SGCG: variants seen among roughly 807,000 people sequenced by gnomAD.
SGCG encodes the protein sarcoglycan gamma, also known as gamma-sarcoglycan.
In SGCG, 26 loss-of-function variants were observed where a neutral mutation model predicts 29.3. The observed-to-expected ratio is 0.89, with a 90% CI of 0.65 to 1.23. The LOEUF is 1.23. Ranked by LOEUF, SGCG falls within the 50% of genes most tolerant of loss-of-function variation. SGCG has a pLI of 0.00. For synonymous variants in SGCG, 145 were observed against 129.7 expected (o/e 1.12, Z -0.80); for missense variants, 353 against 356.0 (o/e 0.99, Z 0.07).
chr13:23,320,613 T>C (rs1536729), intron 6 of SGCG, 24 bp from the exon 7 acceptor site: 7 of 1,390,628 alleles, frequency 5.0e-6, no homozygotes, highest in Admixed American at 4.6e-5. Context: ...TTTTTTTTTT[T>C]TGTGCTTCTT....
chr13:23,160,721 C>T, the SGCG span, among the ~76,000 whole-genome samples: 1 of 152,150 alleles, frequency 6.6e-6, no homozygotes, highest in Non-Finnish European at 1.5e-5. Flanking sequence ...TCTCCTCCAA[C>T]CTCCTAAACT....
chr13:23,226,094 G>A (rs1480549412), intron 2 of SGCG, among the ~76,000 whole-genome samples: 2 of 152,116 alleles, frequency 1.3e-5, no homozygotes, highest in African/African-American at 2.4e-5. Context: ...ACCCCGCACT[G>A]GGGGATTTCA....
chr13:23,272,778 C>T (rs1226179393), intron 4 of SGCG, among the ~76,000 whole-genome samples: 1 of 152,018 alleles, frequency 6.6e-6, no homozygotes, highest in Non-Finnish European at 1.5e-5. Flanking sequence ...TTTAACTTCC[C>T]CATTTCTTGT....
At chr13:23,184,868 T>C (rs1876908602) in intron 1 of SGCG, among the ~76,000 whole-genome samples, 1 of 152,162 alleles carries the variant, frequency 6.6e-6, no homozygotes, top group Admixed American at 6.5e-5. Flanking sequence ...TGATGTGAGA[T>C]AGTGTCAACC....
intron 5 of SGCG, among the ~76,000 whole-genome samples, chr13:23,291,509 A>G (rs1012022178): frequency 2.6e-5 from 4 of 152,224 alleles, no homozygotes; most frequent in African/African-American, 7.2e-5. Flanking sequence ...TTATACGCAA[A>G]TAGGTTCTGA....
chr13:23,195,376 C>G (rs1020557680), intron 1 of SGCG, among the ~76,000 whole-genome samples: 1 of 152,092 alleles, frequency 6.6e-6, no homozygotes, highest in African/African-American at 2.4e-5. Context: ...GAGCCTGTAG[C>G]TGAAGTAAAA....
intron 2 of SGCG, 128 bp from the exon 3 acceptor site, chr13:23,234,483 A>T: frequency 3.3e-6 from 1 of 305,828 alleles, no homozygotes; most frequent in Non-Finnish European, 5.3e-6. Flanking sequence ...TTTTAAATAC[A>T]CTAGGAGAAA....
chr13:23,276,867 G>A (rs751510125), intron 4 of SGCG, among the ~76,000 whole-genome samples: 2 of 152,192 alleles, frequency 1.3e-5, no homozygotes, highest in Non-Finnish European at 1.5e-5. Context: ...TTAGCAAATT[G>A]TCCTGAAACC....
At position 23,320,621 on chromosome 13, in the gene SGCG, C is replaced by CTTTT. The variant is rs1178505346; in HGVS notation, c.579-15_579-12dup. The CTTTT allele has an allele frequency of 9.7e-6, 9 of 926,990 alleles. No homozygotes were observed. In the African/African-American group the frequency reaches 1.6e-4, roughly 16 times the overall value. The allele number at this position is 926,990 out of a possible 1,614,324, so 57.4% of individuals were successfully genotyped here. ...ACTTTTTTTTTTTTTTTTTGTGCTT[C>CTTTT]TTTTCCTCATCTCAGATTAGAATCC... On this transcript the variant is annotated splice_polypyrimidine_tract_variant and intron_variant, in intron 6 of 7. Transcript: ENST00000218867.
intron 2 of SGCG, among the ~76,000 whole-genome samples, chr13:23,223,642 T>C (rs922813235): frequency 6.6e-6 from 1 of 152,106 alleles, no homozygotes; most frequent in African/African-American, 2.4e-5. Flanking sequence ...TAGCTTATGG[T>C]TTTGCCTCAC....
intron 6 of SGCG, among the ~76,000 whole-genome samples, chr13:23,296,546 G>A (rs563740169): frequency 3.3e-5 from 5 of 151,896 alleles, no homozygotes; most frequent in East Asian, 1.9e-4. Flanking sequence ...TTTTTATCTC[G>A]CAAAACTGAA....
upstream of SGCG, among the ~76,000 whole-genome samples, chr13:23,176,553 C>T (rs1434826830): frequency 2.0e-5 from 3 of 151,386 alleles, no homozygotes; most frequent in Non-Finnish European, 4.4e-5. Context: ...ATACAACTAC[C>T]CCTGTTTACT....
the SGCG span, among the ~76,000 whole-genome samples, chr13:23,162,922 T>C: frequency 6.6e-6 from 1 of 152,184 alleles, no homozygotes; most frequent in Non-Finnish European, 1.5e-5. Context: ...GTAAAATACA[T>C]AAATGTCTAG....
chr13:23,270,952 C>T lies in SGCG; in HGVS notation c.386-8407C>T, dbSNP rs534463606. Among the ~76,000 whole-genome samples the T allele has an allele frequency of 4.6e-5, 7 of 152,128 alleles. No individual in the cohort carries two copies. The East Asian group carries it at 5.8e-4, about 13-fold the overall frequency. ...AAGTCCATCCTTAGGCCAGGTGCAG[C>T]GGCTCACACCTGTAATCCCAGCACT... On this transcript the variant is annotated intron_variant, in intron 4 of 7. Coordinates refer to ENST00000218867, the MANE Select transcript of SGCG (RefSeq NM_000231.3).
At chr13:23,188,996 A>G (rs558466431) in intron 1 of SGCG, among the ~76,000 whole-genome samples, 69 of 152,276 alleles carry the variant, frequency 4.5e-4, no homozygotes, top group African/African-American at 1.6e-3. Flanking sequence ...AAATGGGAAT[A>G]TGGTGGAGAC....
At chr13:23,299,480 G>T (rs1272751912) in intron 6 of SGCG, among the ~76,000 whole-genome samples, 2 of 45,816 alleles carry the variant, frequency 4.4e-5, no homozygotes, top group African/African-American at 6.8e-5. Context: ...TTTAGTCGGA[G>T]TCTCACTCTG....
chr13:23,197,172 G>A (rs1877549302), intron 1 of SGCG, among the ~76,000 whole-genome samples: 1 of 151,986 alleles, frequency 6.6e-6, no homozygotes, highest in African/African-American at 2.4e-5. Flanking sequence ...ATCACAACCT[G>A]TAGGGTAAGT....
At chr13:23,236,952 A>G (rs1243012442) in intron 3 of SGCG, among the ~76,000 whole-genome samples, 2 of 152,118 alleles carry the variant, frequency 1.3e-5, no homozygotes, top group Admixed American at 1.3e-4. Flanking sequence ...ATGCTTCCTA[A>G]CTTCTGTATG....
intron 6 of SGCG, among the ~76,000 whole-genome samples, chr13:23,300,121 TTAAG>T (rs1193037813): frequency 6.6e-6 from 1 of 152,210 alleles, no homozygotes; most frequent in Non-Finnish European, 1.5e-5. Flanking sequence ...GTGATGTCAA[TTAAG>T]TAAGTTATTA....
Sources: allele counts gnomAD v4.1 joint callset (sites outside exome capture counted in the v4.1 genomes callset), GRCh38; gene constraint gnomAD v4.1.1; transcripts MANE v1.5; gene names NCBI Gene and HGNC (gene_info 2026-07-23, HGNC 2026-07-21).